Variants in BRWD1 observed in about 807,000 individuals in gnomAD.
BRWD1 encodes bromodomain and WD repeat domain containing 1.
BRWD1 carries 82 observed loss-of-function variants against 251.2 expected under a neutral mutation model. The ratio of observed to expected loss-of-function variants is 0.33; its 90% CI spans 0.27 to 0.39. The LOEUF is 0.39. Ranked by LOEUF, BRWD1 falls within the 10% of genes least tolerant of loss-of-function variation. The pLI is 1.00. For missense variants in BRWD1, 2,233 were observed against 2,711.6 expected, an observed-to-expected ratio of 0.82 and a Z score of 3.92; for synonymous variants, 918 against 902.8, an observed-to-expected ratio of 1.02 and a Z score of -0.30.
chr21:39,283,637 A>G (rs1478857724), intron 8 of BRWD1, among the ~76,000 whole-genome samples: 2 of 152,190 alleles, frequency 1.3e-5, no homozygotes, highest in Non-Finnish European at 2.9e-5. Context: ...AGAATTCACT[A>G]ATGAAGCCTC....
Position 39,196,553 on chromosome 21 carries a change from A to T in BRWD1, c.6516T>A (p.Asp2172Glu), listed in dbSNP as rs768569737. Residue 2172 changes from aspartate to glutamate, a missense_variant, in exon 41 of 41, where the codon GAT becomes GAA. Transcript: ENST00000342449. ...TTTTCCTCCTTTTGGTTTTTGTATT[A>T]TCAGTACAGTCAATATCTGATTCAG... ...SVTESDIDCT[D>E]NTKTKRRKTK... 6.2e-7 allele frequency: 1 copy of T among 1,613,510 alleles called. No homozygotes were observed. Among genetic ancestry groups the T allele is most frequent in the Non-Finnish European group, 8.5e-7 (1 of 1,179,762 alleles).
chr21:39,271,668 G>A (rs908142142), intron 13 of BRWD1, among the ~76,000 whole-genome samples: 3 of 114,206 alleles, frequency 2.6e-5, no homozygotes, highest in African/African-American at 1.1e-4. Context: ...CTGCACTCCA[G>A]CCTGGGCAAC....
chr21:39,313,323 T>A (rs758216744), intron 1 of BRWD1, 24 bp from the exon 2 acceptor site: 1 of 1,513,574 alleles, frequency 6.6e-7, no homozygotes, highest in Non-Finnish European at 8.9e-7. Flanking sequence ...AGGAGTCAGG[T>A]CAAGCCCCGG....
At chr21:39,316,223 A>G (rs1210444157), upstream of BRWD1, among the ~76,000 whole-genome samples, 1 of 152,240 alleles carries the variant, frequency 6.6e-6, no homozygotes, top group Non-Finnish European at 1.5e-5. Context: ...GATCAGAAGT[A>G]TGTAGGACAG....
At chr21:39,244,757 G>T (rs913640246) in intron 21 of BRWD1, among the ~76,000 whole-genome samples, 1 of 151,872 alleles carries the variant, frequency 6.6e-6, no homozygotes, top group South Asian at 2.1e-4. Flanking sequence ...CGGAGAGGTT[G>T]GAACAGAGCT....
rs2035285155 is a variant in BRWD1 at position 39,276,479 on chromosome 21, T to C, written c.1105-266A>G. Among the ~76,000 whole-genome samples the C allele has an allele frequency of 1.3e-5, 2 of 152,258 alleles. 1 individual carries two copies. Among genetic ancestry groups the C allele is most frequent in the South Asian group, 4.1e-4 (2 of 4,836 alleles). ...GCTTCTAAACTTAAAGCAGTATTTA[T>C]AATTACATCTGTTTAAGATGACTTA... On this transcript the variant is annotated intron_variant, in intron 11 of 40. Coordinates refer to ENST00000342449, the MANE Select transcript of BRWD1 (RefSeq NM_033656.4).
intron 5 of BRWD1, chr21:39,297,037 A>G: frequency 1.0e-6 from 1 of 985,380 alleles, no homozygotes; most frequent in Non-Finnish European, 1.2e-6. Context: ...AAAATCCTCT[A>G]CTGAAGAGCA....
chr21:39,193,876 AGTGT>A lies in BRWD1; in HGVS notation c.*2379_*2382del, dbSNP rs956048004. The A allele has an allele frequency of 3.0e-6, 3 of 985,460 alleles. No individual in the cohort carries two copies. The highest frequency in any genetic ancestry group is 6.2e-5 in the Admixed American group (1 of 16,246). 61.0% of individuals were successfully genotyped at this position (985,460 alleles called of 1,614,324 possible). On this transcript the variant is annotated 3_prime_UTR_variant, in exon 41 of 41. Coordinates refer to ENST00000342449, the MANE Select transcript of BRWD1 (RefSeq NM_033656.4). Reference sequence around the variant, plus strand: ...TTAATTTTCCTTAAAGGTACTTAGGAGTGTGTGTGTCACATATTCAAAGTTAACC... The same window carrying A: ...TTAATTTTCCTTAAAGGTACTTAGGAGTGTGTCACATATTCAAAGTTAACC...
chr21:39,210,219 C>T, intron 35 of BRWD1, 72 bp from the exon 36 acceptor site: 1 of 1,271,424 alleles, frequency 7.9e-7, no homozygotes, highest in Non-Finnish European at 1.1e-6. Context: ...CATCAGATCT[C>T]TAAAAAATGT....
At position 39,186,980 on chromosome 21, in the gene BRWD1, T is replaced by C. The variant is rs1366032709; in HGVS notation, c.*9279A>G. On this transcript the variant is annotated 3_prime_UTR_variant, in exon 41 of 41. Transcript: ENST00000342449. ...AGCAGAATGTAACTGCCAGTTTACT[T>C]GTGTACCAATTGTTTTCAGATGCCA... is the stretch of plus-strand genomic sequence containing the variant. 1.3e-6 allele frequency: 2 copies of C among 1,516,844 alleles called. No individual in the cohort carries two copies. The highest frequency in any genetic ancestry group is 8.8e-7 in the Non-Finnish European group (1 of 1,138,750). 94.0% of individuals were successfully genotyped at this position (1,516,844 alleles called of 1,614,324 possible).
chr21:39,280,477 C>T (rs1341626980), intron 8 of BRWD1, among the ~76,000 whole-genome samples: 1 of 151,930 alleles, frequency 6.6e-6, no homozygotes, highest in African/African-American at 2.4e-5. Context: ...GCCAGAAAAA[C>T]TTTAACAAGG....
At chr21:39,279,686 GA>G (rs1006259502) in intron 9 of BRWD1, among the ~76,000 whole-genome samples, 12 of 146,618 alleles carry the variant, frequency 8.2e-5, no homozygotes, top group Admixed American at 2.0e-4. Context: ...AAAACAAAAG[GA>G]AAAAAAATGT....
chr21:39,210,619 T>C (rs889107856), intron 35 of BRWD1, among the ~76,000 whole-genome samples, 167 bp downstream of exon 35: 1 of 152,130 alleles, frequency 6.6e-6, no homozygotes. Context: ...GTCTATAAAT[T>C]GAAGAAAACT....
rs986633964 is a variant in BRWD1 at position 39,193,104 on chromosome 21, C to T, written c.*3155G>A. The T allele has an allele frequency of 5.1e-6, 5 of 985,070 alleles. No homozygotes were observed. In the East Asian group the frequency reaches 5.7e-4, roughly 112 times the overall value. 61.0% of individuals were successfully genotyped at this position (985,070 alleles called of 1,614,324 possible). ...TTTTATTGGTTTGTTTTATATTCCC[C>T]TTTTCCATTTGCCCTTCTGTTTTGA... On this transcript the variant is annotated 3_prime_UTR_variant, in exon 41 of 41. Coordinates refer to ENST00000342449, the MANE Select transcript of BRWD1 (RefSeq NM_033656.4).
rs1475906702 is a variant in BRWD1 at position 39,312,984 on chromosome 21, GC to G, written c.139-85del. On this transcript the variant is annotated intron_variant, in intron 3 of 40. Coordinates refer to ENST00000342449, the MANE Select transcript of BRWD1 (RefSeq NM_033656.4). ...GCGGGGGGCCGGGGGCGGGCGGCGG[GC>G]GGCGGGCGGGGGGCGCGGGCGAGCA... is the stretch of plus-strand genomic sequence containing the variant. 290 of 988,370 alleles carry G rather than the reference GC, an allele frequency of 2.9e-4. 18 individuals carry two copies. The East Asian group carries it at 6.7e-3, about 23-fold the overall frequency. The allele number at this position is 988,370 out of a possible 1,614,324, so 61.2% of individuals were successfully genotyped here.
chr21:39,244,781 G>T (rs1324160024), intron 21 of BRWD1, among the ~76,000 whole-genome samples: 1 of 151,814 alleles, frequency 6.6e-6, no homozygotes, highest in African/African-American at 2.4e-5. Context: ...TGGTAAAATA[G>T]TTATTTCCAG....
chr21:39,297,853 T>C, intron 5 of BRWD1: 3 of 971,812 alleles, frequency 3.1e-6, no homozygotes, highest in Non-Finnish European at 3.7e-6. Flanking sequence ...TTATATCACA[T>C]ACATATACTT....
Position 39,189,143 on chromosome 21 carries a change from A to T in BRWD1, c.*7116T>A. ...ATGCTAAAATGTAAATATGCTACAA[A>T]GGGTAAACAAAAATTTTAAAATATG... On this transcript the variant is annotated 3_prime_UTR_variant, in exon 41 of 41. Coordinates refer to ENST00000342449, the MANE Select transcript of BRWD1 (RefSeq NM_033656.4). 2 of 984,170 alleles carry T rather than the reference A, an allele frequency of 2.0e-6. No homozygotes were observed. The highest frequency in any genetic ancestry group is 2.4e-6 in the Non-Finnish European group (2 of 828,722). The allele number at this position is 984,170 out of a possible 1,614,324, so 61.0% of individuals were successfully genotyped here. A position where few individuals can be genotyped will look rare whatever the true frequency, so the allele number is the denominator to read the frequency against.
chr21:39,313,949 G>A (rs764581493), upstream of BRWD1: 2 of 346,168 alleles, frequency 5.8e-6, no homozygotes, highest in African/African-American at 2.3e-5. Flanking sequence ...CGGGTGCCGG[G>A]GGCGGAAGCG....
Sources: gnomAD v4.1 joint callset for allele counts (sites outside exome capture counted in the v4.1 genomes callset) on GRCh38, gnomAD v4.1.1 for gene constraint, MANE v1.5 for transcripts, NCBI Gene and HGNC (gene_info 2026-07-23, HGNC 2026-07-21) for gene names.